Variants in COL14A1 observed in about 807,000 individuals in gnomAD.
COL14A1 encodes the protein collagen type XIV alpha 1 chain.
Under a neutral mutation model 230.3 loss-of-function variants are expected in COL14A1, and 136 were observed. The observed-to-expected ratio is 0.59, with a 90% CI of 0.51 to 0.68. The LOEUF is 0.68. COL14A1 is among the 30% of genes least tolerant of loss of function. The pLI is 0.00. For synonymous variants in COL14A1, 792 were observed against 784.1 expected, an observed-to-expected ratio of 1.01 and a Z score of -0.17; for missense variants, 1,976 against 2,215.8, an observed-to-expected ratio of 0.89 and a Z score of 2.17.
At chr8:120,253,163 C>T (rs1819030101) in intron 22 of COL14A1, among the ~76,000 whole-genome samples, 1 of 152,150 alleles carries the variant, frequency 6.6e-6, no homozygotes, top group South Asian at 2.1e-4. Flanking sequence ...GCGTGTGCCA[C>T]CATGCATGGC....
intron 14 of COL14A1, among the ~76,000 whole-genome samples, chr8:120,223,229 A>G (rs1207941399): frequency 6.6e-6 from 1 of 152,194 alleles, no homozygotes; most frequent in African/African-American, 2.4e-5. Context: ...AGTGCAATAG[A>G]CAGCCAATGA....
intron 8 of COL14A1, among the ~76,000 whole-genome samples, chr8:120,199,799 T>C (rs1168420795): frequency 6.6e-6 from 1 of 151,470 alleles, no homozygotes; most frequent in Non-Finnish European, 1.5e-5. Context: ...TGAGGTGTCA[T>C]ATATAAAATG....
chr8:120,369,476 G>A lies in COL14A1; in HGVS notation c.5302G>A (p.Gly1768Ser). ...TGACCCCTCATCATGTTCTGCCTATGGTGTGAGAGGTAAGTGTCACAAAAA... is the reference window on the plus strand; with the variant it reads ...TGACCCCTCATCATGTTCTGCCTATAGTGTGAGAGGTAAGTGTCACAAAAA... ...YCDPSSCSAYGVRAPHPDQPE... is the reference protein window; with the variant it reads ...YCDPSSCSAYSVRAPHPDQPE... The change falls in exon 47 of 48, where the codon GGT becomes AGT. Residue 1768 changes from glycine (G) to serine (S), a missense_variant. Gly to Ser is a moderately conservative substitution (Grantham distance 56). This residue lies in a region of COL14A1 where 1,791 missense variants were observed against 2,019.5 expected (regional missense o/e 0.89). Coordinates refer to ENST00000297848, the MANE Select transcript of COL14A1 (RefSeq NM_021110.4). The A allele has an allele frequency of 6.3e-7, 1 of 1,575,622 alleles. No individual in the cohort carries two copies. Among genetic ancestry groups the A allele is most frequent in the Non-Finnish European group, 8.6e-7 (1 of 1,159,452 alleles).
chr8:120,241,945 T>C (rs1818619834), intron 19 of COL14A1, among the ~76,000 whole-genome samples: 1 of 152,094 alleles, frequency 6.6e-6, no homozygotes, highest in Non-Finnish European at 1.5e-5. Context: ...TCTGAAATGC[T>C]CCAAAATCCA....
chr8:120,166,939 T>G (rs949242413), intron 4 of COL14A1, among the ~76,000 whole-genome samples: 142 of 129,724 alleles, frequency 1.1e-3, no homozygotes, highest in African/African-American at 3.6e-3. Context: ...ATGATGGTGG[T>G]GGTGGGGGTG....
chr8:120,199,447 C>A lies in COL14A1; in HGVS notation c.758C>A (p.Ala253Glu). ...TTTGAAAATAGCTTCAAACCAGAAGCAGGATCAAGGACTGGAGTATCCAAA... is the reference window on the plus strand; with the variant it reads ...TTTGAAAATAGCTTCAAACCAGAAGAAGGATCAAGGACTGGAGTATCCAAA... ...YIFENSFKPE[A>E]GSRTGVSKIG... The change falls in exon 8 of 48, where the codon GCA becomes GAA. Residue 253 changes from alanine (A) to glutamate (E), a missense_variant. Ala to Glu is a moderately radical substitution (Grantham distance 107). Around this residue, in one of 3 missense-constraint regions of COL14A1, gnomAD observed 1,791 missense variants for 2,019.5 expected, o/e 0.89. Coordinates refer to ENST00000297848, the MANE Select transcript of COL14A1 (RefSeq NM_021110.4). 1 of 1,608,668 alleles carries A rather than the reference C, an allele frequency of 6.2e-7. No homozygotes were observed. Among genetic ancestry groups the A allele is most frequent in the Non-Finnish European group, 8.5e-7 (1 of 1,178,402 alleles).
Position 120,369,335 on chromosome 8 carries a change from T to C in COL14A1, c.5161T>C (p.Ser1721Pro). The change falls in exon 47 of 48, where the codon TCA (serine) becomes CCA (proline). Residue 1721 changes from serine (S) to proline (P), a missense_variant. Physicochemically the swap from Ser to Pro is moderately conservative, Grantham distance 74 (BLOSUM62 -1). Transcript: ENST00000297848. ...PRGPPGPAGP[S>P]GESRPGSPGP... ...CATCTGTGGGTACTTCTTAGGACCT[T>C]CAGGGGAGAGTCGGCCTGGCAGCCC... 1 of 1,582,474 alleles carries C rather than the reference T, an allele frequency of 6.3e-7. No individual in the cohort carries two copies. The highest frequency in any genetic ancestry group is 1.2e-5 in the South Asian group (1 of 86,036).
chr8:120,362,374 AC>A (rs1244344096), intron 45 of COL14A1, among the ~76,000 whole-genome samples: 11 of 152,226 alleles, frequency 7.2e-5, no homozygotes, highest in African/African-American at 2.4e-4. Context: ...CAGTGCTGAT[AC>A]ACTCTCAGGC....
rs189185633 is a variant in COL14A1, at chr8:120,314,150, G to A, written c.4551+123G>A. On this transcript the variant is annotated intron_variant, in intron 38 of 47. Coordinates refer to ENST00000297848, the MANE Select transcript of COL14A1 (RefSeq NM_021110.4). ...CCTCAGTCCCTTTGAAAGCAATGAT[G>A]GAGTGTCATTTCACTAGTTGTGCCC... 9.1e-6 allele frequency: 6 copies of A among 659,192 alleles called. No individual in the cohort carries two copies. The East Asian group carries it at 1.2e-4, about 13-fold the overall frequency. The allele number at this position is 659,192 out of a possible 1,614,324, so 40.8% of individuals were successfully genotyped here.
At position 120,315,559 on chromosome 8, in the gene COL14A1, A is replaced by G. The variant is rs756780115; in HGVS notation, c.4578A>G (p.Lys1526=). The G allele has an allele frequency of 1.2e-6, 2 of 1,613,500 alleles. No homozygotes were observed. The highest frequency in any genetic ancestry group is 2.2e-5 in the South Asian group (2 of 91,058). ...GAATGCCAGGAGAAAAAGGAGAGAA[A>G]GGAGATACTGGCCTTCCAGGTCCAC... ...MPGMPGEKGE[K]GDTGLPGPQG... is the part of the protein sequence containing the mutation. The change falls in exon 39 of 48, where the codon AAA becomes AAG. Residue 1526 remains lysine, a synonymous_variant. Coordinates refer to ENST00000297848, the MANE Select transcript of COL14A1 (RefSeq NM_021110.4).
At chr8:120,312,887 T>TA (rs1484998196) in intron 37 of COL14A1, among the ~76,000 whole-genome samples, 1 of 152,202 alleles carries the variant, frequency 6.6e-6, no homozygotes, top group Non-Finnish European at 1.5e-5. Context: ...CCTAATTTAA[T>TA]AAAAGAATAG....
intron 45 of COL14A1, among the ~76,000 whole-genome samples, chr8:120,347,419 T>G (rs190972580): frequency 7.9e-5 from 12 of 152,226 alleles, no homozygotes; most frequent in Admixed American, 7.8e-4. Flanking sequence ...GGAAAGGTGA[T>G]TTTAGTTGAT....
intron 5 of COL14A1, among the ~76,000 whole-genome samples, chr8:120,172,985 T>C (rs940677897): frequency 1.3e-5 from 2 of 152,238 alleles, no homozygotes; most frequent in African/African-American, 4.8e-5. Flanking sequence ...TTTTGAGACA[T>C]GTAAATATTC....
At chr8:120,370,924 G>A in intron 47 of COL14A1, 1 of 1,176,384 alleles carries the variant, frequency 8.5e-7, no homozygotes, top group Non-Finnish European at 1.1e-6. Flanking sequence ...TAAATGGTTG[G>A]TTATGATTCT....
At chr8:120,283,832 T>C (rs1272554537) in intron 32 of COL14A1, 54 bp downstream of exon 32, 3 of 1,491,552 alleles carry the variant, frequency 2.0e-6, no homozygotes, top group Non-Finnish European at 2.7e-6. Flanking sequence ...GTAATGTATG[T>C]GGCATGCCAT....
chr8:120,222,182 C>T (rs1484149233), intron 14 of COL14A1, among the ~76,000 whole-genome samples: 1 of 152,056 alleles, frequency 6.6e-6, no homozygotes, highest in Non-Finnish European at 1.5e-5. Context: ...AATTAGCTCC[C>T]CTACAGGATT....
intron 25 of COL14A1, among the ~76,000 whole-genome samples, chr8:120,269,443 G>T (rs1218910444): frequency 6.6e-6 from 1 of 151,654 alleles, no homozygotes; most frequent in Non-Finnish European, 1.5e-5. Context: ...TACATTTCTT[G>T]ACATATATCA....
At chr8:120,200,711 CTATTTATATATATATATATATA>C (rs1214788262) in intron 8 of COL14A1, among the ~76,000 whole-genome samples, 5 of 76,810 alleles carry the variant, frequency 6.5e-5, no homozygotes, top group African/African-American at 1.8e-4. Flanking sequence ...AAAAGTTTTC[CTATTTATATATATATATATATA>C]TATATATATA....
intron 40 of COL14A1, among the ~76,000 whole-genome samples, chr8:120,327,111 T>G (rs1353103706): frequency 1.3e-5 from 2 of 152,136 alleles, no homozygotes; most frequent in African/African-American, 4.8e-5. Context: ...TCTCTAAAAG[T>G]GTTTAGTTGT....
Sources: allele counts gnomAD v4.1 joint callset (sites outside exome capture counted in the v4.1 genomes callset), GRCh38; gene constraint gnomAD v4.1.1; regional missense constraint gnomAD v4.1.1; transcripts MANE v1.5; gene names NCBI Gene and HGNC (gene_info 2026-07-23, HGNC 2026-07-21).